The following AKR1C4 variants were observed in gnomAD, a reference collection of about 807,000 sequenced individuals.
The protein encoded by AKR1C4 is aldo-keto reductase family 1 member C4.
A neutral mutation model predicts 41.0 loss-of-function variants in AKR1C4; 44 were observed. The observed-to-expected ratio is 1.07, with a 90% confidence interval of 0.84 to 1.38. The LOEUF (loss-of-function observed/expected upper bound fraction) is 1.38, where lower values mean the gene tolerates loss of function less well. Among genes scored for constraint, AKR1C4 ranks in the 40% most tolerant of loss-of-function variants. The probability of loss-of-function intolerance (pLI) is 0.00; values close to 1 mark genes in which losing one functional copy is unlikely to be tolerated. For synonymous variants in AKR1C4, 165 were observed against 137.7 expected (o/e 1.20, Z -1.39); for missense variants, 438 against 387.9 (o/e 1.13, Z -1.09).
intron 2 of AKR1C4, among the ~76,000 whole-genome samples, chr10:5,202,806 A>C (rs1289084662): frequency 1.3e-5 from 2 of 152,086 alleles, no homozygotes; most frequent in African/African-American, 4.8e-5. Flanking sequence ...ATATTATAGC[A>C]TCCCTGCACC....
chr10:5,199,916 A>G (rs1252542822), intron 1 of AKR1C4, among the ~76,000 whole-genome samples: 1 of 152,198 alleles, frequency 6.6e-6, no homozygotes, highest in East Asian at 1.9e-4. Flanking sequence ...GGCAAAACTT[A>G]AAGAACAAAA....
rs1037085663 is a variant in AKR1C4, at chr10:5,205,912, T to A, written c.447+78T>A. The stretch of plus-strand genomic sequence containing the variant: ...TGTTCCCCAGCTTTCATATGCAACA[T>A]TGGAATATGCACCATTGGAACTAGA... On this transcript the variant is annotated intron_variant, in intron 4 of 8. Coordinates refer to ENST00000263126, the MANE Select transcript of AKR1C4 (RefSeq NM_001818.5). 2.9e-6 allele frequency: 4 copies of A among 1,371,444 alleles called. No individual in the cohort carries two copies. In the Admixed American group the frequency reaches 6.1e-5, roughly 21 times the overall value. 85.0% of individuals were successfully genotyped at this position (1,371,444 alleles called of 1,614,324 possible).
At chr10:5,208,968 G>A (rs1365577259) in intron 5 of AKR1C4, among the ~76,000 whole-genome samples, 1 of 146,076 alleles carries the variant, frequency 6.8e-6, no homozygotes, top group Non-Finnish European at 1.5e-5. Flanking sequence ...TTAACTTGTT[G>A]TTCCAAGTTT....
chr10:5,208,897 GAAAACA>G (rs1282078424), intron 5 of AKR1C4, among the ~76,000 whole-genome samples: 1 of 106,682 alleles, frequency 9.4e-6, no homozygotes, highest in Non-Finnish European at 1.9e-5. Context: ...GATGTATCAT[GAAAACA>G]AAAACAAAAA....
chr10:5,202,963 G>T (rs1417597407), intron 2 of AKR1C4, among the ~76,000 whole-genome samples: 2,351 of 150,350 alleles, frequency 0.016, 94 homozygotes, highest in African/African-American at 0.056. Flanking sequence ...GTGTGTGTGT[G>T]TGTGTGTGTG....
chr10:5,218,542 G>GAA (rs5782814), intron 8 of AKR1C4, among the ~76,000 whole-genome samples, 176 bp from the exon 9 acceptor site: 10,304 of 146,414 alleles, frequency 0.07, 452 homozygotes, highest in Admixed American at 0.13. Context: ...TTCTTATTTT[G>GAA]AAAAAAAAAA....
chr10:5,203,294 G>A lies in AKR1C4; in HGVS notation c.253-1083G>A, dbSNP rs189121571. On this transcript the variant is annotated intron_variant, in intron 2 of 8. Coordinates refer to ENST00000263126, the MANE Select transcript of AKR1C4 (RefSeq NM_001818.5). ...TGAAATTCAGTTAGGAGCTTCTTTC[G>A]ATCTGTGACATGTGGCTGAACTCCC... Among the ~76,000 whole-genome samples the A allele has an allele frequency of 1.2e-3, 177 of 152,158 alleles. 1 individual carries two copies. Among genetic ancestry groups the A allele is most frequent in the South Asian group, 3.5e-3 (17 of 4,818 alleles).
intron 8 of AKR1C4, among the ~76,000 whole-genome samples, 156 bp from the exon 9 acceptor site, chr10:5,218,559 CATT>C (rs1832689364): frequency 7.1e-6 from 1 of 141,576 alleles, no homozygotes; most frequent in Admixed American, 7.1e-5. Context: ...AAAAAAAACA[CATT>C]ATAAACTCAT....
At chr10:5,201,835 C>T (rs1467460292) in intron 2 of AKR1C4, among the ~76,000 whole-genome samples, 2 of 152,140 alleles carry the variant, frequency 1.3e-5, no homozygotes, top group African/African-American at 2.4e-5. Context: ...TGTGGCTTAA[C>T]AGTTGTCCCA....
rs1832490747 is a variant in AKR1C4 at position 5,206,543 on chromosome 10, A to G, written c.570+146A>G. ...ACATCTGTCTAGAAGAAAACGGAAG[A>G]CCCTTAATTGCACCTCTTCTTGGAG... is the stretch of plus-strand genomic sequence containing the variant. On this transcript the variant is annotated intron_variant, in intron 5 of 8. Coordinates refer to ENST00000263126, the MANE Select transcript of AKR1C4 (RefSeq NM_001818.5). The G allele has an allele frequency of 7.0e-6, 10 of 1,422,264 alleles. No individual in the cohort carries two copies. The South Asian group carries it at 1.2e-4, about 17-fold the overall frequency. 88.1% of individuals were successfully genotyped at this position (1,422,264 alleles called of 1,614,324 possible). A position where few individuals can be genotyped will look rare whatever the true frequency, so the allele number is the denominator to read the frequency against.
At chr10:5,210,138 C>T (rs1259288695) in intron 5 of AKR1C4, among the ~76,000 whole-genome samples, 1 of 152,150 alleles carries the variant, frequency 6.6e-6, no homozygotes, top group Non-Finnish European at 1.5e-5. Flanking sequence ...GCTACATGAC[C>T]CATGCAAGTC....
chr10:5,213,153 C>T lies in AKR1C4; in HGVS notation c.840C>T (p.Asn280=), dbSNP rs1229231668. Reference sequence around the variant, plus strand: ...ACAATGAGCAGCGGATCAGAGAGAACATCCAGGTGAGGAGTTGGGTGGGCA... The same window carrying T: ...ACAATGAGCAGCGGATCAGAGAGAATATCCAGGTGAGGAGTTGGGTGGGCA... ...KSYNEQRIRE[N]IQVFEFQLTS... is the part of the protein sequence containing the mutation. The change falls in exon 7 of 9, where the codon AAC becomes AAT. Residue 280 remains asparagine (N), a synonymous_variant. Coordinates refer to ENST00000263126, the MANE Select transcript of AKR1C4 (RefSeq NM_001818.5). 6.2e-7 allele frequency: 1 copy of T among 1,613,402 alleles called. No homozygotes were observed. Among genetic ancestry groups the T allele is most frequent in the Middle Eastern group, 1.8e-4 (1 of 5,434 alleles).
intron 7 of AKR1C4, among the ~76,000 whole-genome samples, chr10:5,214,682 CTT>C (rs112625012): frequency 1.3e-5 from 2 of 151,968 alleles, no homozygotes; most frequent in Non-Finnish European, 2.9e-5. Context: ...CTTTGGATAA[CTT>C]TTTTTGAGAA....
intron 5 of AKR1C4, among the ~76,000 whole-genome samples, chr10:5,208,466 CATCT>C (rs1271856284): frequency 6.6e-6 from 1 of 151,522 alleles, no homozygotes; most frequent in African/African-American, 2.4e-5. Context: ...TACATGTTAT[CATCT>C]ATTTCCAAAA....
At chr10:5,207,755 T>G in intron 5 of AKR1C4, 1 of 423,310 alleles carries the variant, frequency 2.4e-6, no homozygotes, top group Non-Finnish European at 4.6e-6. Flanking sequence ...ATGAATATGA[T>G]ACCTTTTCTA....
chr10:5,213,222 A>G (rs1482596750), intron 7 of AKR1C4, 63 bp downstream of exon 7: 7 of 1,591,940 alleles, frequency 4.4e-6, no homozygotes, highest in Non-Finnish European at 6.0e-6. Context: ...GCTTCTTGTA[A>G]GGTTCTCAGG....
chr10:5,211,119 T>TC (rs1353152095), intron 5 of AKR1C4, among the ~76,000 whole-genome samples: 2 of 152,154 alleles, frequency 1.3e-5, no homozygotes, highest in Non-Finnish European at 2.9e-5. Context: ...AACCATTTTT[T>TC]CCTCCTAGAC....
intron 2 of AKR1C4, 152 bp from the exon 3 acceptor site, chr10:5,204,225 T>C (rs1459495032): frequency 1.6e-6 from 1 of 638,138 alleles, no homozygotes; most frequent in Non-Finnish European, 2.8e-6. Context: ...GTAGCTTTCA[T>C]ATAGGTAGGT....
rs1564405498 is a variant in AKR1C4, at chr10:5,216,803, T to C, written c.929+10T>C. On this transcript the variant is annotated intron_variant, in intron 8 of 8. Transcript: ENST00000263126. ...ATGTTGTCATGGATTTGTAAGTAAC[T>C]TTGGAAAATGGGTTTCCCAGTTTAT... The C allele has an allele frequency of 6.3e-7, 1 of 1,593,028 alleles. No homozygotes were observed. The highest frequency in any genetic ancestry group is 2.2e-5 in the East Asian group (1 of 44,650).
Sources: gnomAD v4.1 joint callset for allele counts (sites outside exome capture counted in the v4.1 genomes callset) on GRCh38, gnomAD v4.1.1 for gene constraint, MANE v1.5 for transcripts, NCBI Gene and HGNC (gene_info 2026-07-23, HGNC 2026-07-21) for gene names.